TOX: variants seen among roughly 807,000 people sequenced by gnomAD.
TOX encodes thymocyte selection associated high mobility group box.
In TOX, 11 loss-of-function variants were observed where a neutral mutation model predicts 53.7. The ratio of observed to expected loss-of-function variants is 0.20; its 90% CI spans 0.13 to 0.34. The LOEUF is 0.34. Among genes scored for constraint, TOX ranks in the 10% least tolerant of loss-of-function variants. The pLI, the probability that TOX is intolerant of heterozygous loss-of-function variation, is 1.00. For synonymous variants in TOX, 225 were observed against 245.3 expected (o/e 0.92, Z 0.77); for missense variants, 570 against 664.6 (o/e 0.86, Z 1.56).
At chr8:59,012,114 G>T (rs1410203094) in intron 1 of TOX, among the ~76,000 whole-genome samples, 1 of 152,042 alleles carries the variant, frequency 6.6e-6, no homozygotes, top group Admixed American at 6.5e-5. Flanking sequence ...CCAGCCTTTT[G>T]TCTCTTTGAT....
At chr8:59,048,337 C>A (rs756678689) in intron 1 of TOX, among the ~76,000 whole-genome samples, 4 of 152,204 alleles carry the variant, frequency 2.6e-5, no homozygotes, top group Non-Finnish European at 5.9e-5. Context: ...CACTCTCTGT[C>A]TGAATCTTCA....
intron 3 of TOX, among the ~76,000 whole-genome samples, chr8:58,895,233 G>A (rs1262218712): frequency 6.6e-6 from 1 of 152,100 alleles, no homozygotes; most frequent in East Asian, 1.9e-4. Context: ...ATTGCTTGGA[G>A]TCTTACTAAA....
intron 3 of TOX, among the ~76,000 whole-genome samples, chr8:58,897,384 G>A (rs4738732): frequency 0.55 from 83,931 of 152,010 alleles, 23,667 homozygotes; most frequent in African/African-American, 0.66. Context: ...CAGAAAATCA[G>A]AAACCTGTGA....
intron 1 of TOX, among the ~76,000 whole-genome samples, chr8:59,071,675 C>T (rs1563437154): frequency 1.3e-5 from 2 of 152,092 alleles, no homozygotes; most frequent in African/African-American, 4.8e-5. Context: ...GAAAGGAAGC[C>T]TAAACAATTT....
intron 1 of TOX, among the ~76,000 whole-genome samples, chr8:59,047,203 G>GTTTTTTTTTT: frequency 2.2e-5 from 1 of 44,674 alleles, no homozygotes. Context: ...ACCAAGAATT[G>GTTTTTTTTTT]TTTTTTTTTT....
chr8:58,807,500 C>T lies in TOX; in HGVS notation c.*247G>A. The T allele has an allele frequency of 2.3e-6, 1 of 441,062 alleles. No individual in the cohort carries two copies. The highest frequency in any genetic ancestry group is 4.1e-6 in the Non-Finnish European group (1 of 245,620). 27.3% of individuals were successfully genotyped at this position (441,062 alleles called of 1,614,324 possible). ...GCAGCACTTCACAGCAAAAAACCAA[C>T]ATAAAATCTGAATGGTCCAAATTTC... On this transcript the variant is annotated 3_prime_UTR_variant, in exon 9 of 9. Transcript: ENST00000361421.
At chr8:59,010,392 T>G (rs957334174) in intron 1 of TOX, among the ~76,000 whole-genome samples, 5 of 152,316 alleles carry the variant, frequency 3.3e-5, no homozygotes, top group Admixed American at 3.3e-4. Context: ...AGCTGAAGTA[T>G]TTATGTGTGA....
At chr8:58,853,278 G>GT (rs1200261201) in intron 3 of TOX, among the ~76,000 whole-genome samples, 1 of 152,108 alleles carries the variant, frequency 6.6e-6, no homozygotes, top group Admixed American at 6.6e-5. Context: ...CCGAATCAAC[G>GT]TTTTTTCCAT....
chr8:58,896,113 G>A (rs1811640144), intron 3 of TOX, among the ~76,000 whole-genome samples: 1 of 152,036 alleles, frequency 6.6e-6, no homozygotes, highest in South Asian at 2.1e-4. Flanking sequence ...TCACCAAATT[G>A]CATTGCTTCC....
rs545415581 is a variant in TOX, at chr8:59,031,228, T to A, written c.103-71220A>T. ...TAATAACTCACACTTAAAGTTCTGA[T>A]ATTTCATTAGTCTCAACTAATGGCA... On this transcript the variant is annotated intron_variant, in intron 1 of 8. Coordinates refer to ENST00000361421, the MANE Select transcript of TOX (RefSeq NM_014729.3). Among the ~76,000 whole-genome samples, 8 of 152,308 alleles carry A rather than the reference T, an allele frequency of 5.3e-5. No individual in the cohort carries two copies. In the South Asian group the frequency reaches 1.7e-3, roughly 32 times the overall value.
intron 3 of TOX, among the ~76,000 whole-genome samples, chr8:58,933,848 C>T (rs896919696): frequency 6.6e-6 from 1 of 152,202 alleles, no homozygotes; most frequent in East Asian, 1.9e-4. Context: ...CTAACTCCTG[C>T]ACCCCACCCC....
At chr8:59,037,801 CA>C (rs769397049) in intron 1 of TOX, among the ~76,000 whole-genome samples, 5,768 of 97,950 alleles carry the variant, frequency 0.059, 161 homozygotes, top group African/African-American at 0.1. Context: ...GACTCCATCT[CA>C]AAAAAAAAAA....
intron 3 of TOX, among the ~76,000 whole-genome samples, chr8:58,881,429 G>A (rs1811380397): frequency 6.6e-6 from 1 of 152,022 alleles, no homozygotes; most frequent in Admixed American, 6.6e-5. Flanking sequence ...GAACCATTAA[G>A]ACGTAGAGAG....
chr8:58,820,196 T>TA (rs1810249879), intron 6 of TOX, among the ~76,000 whole-genome samples: 2 of 152,042 alleles, frequency 1.3e-5, no homozygotes, highest in African/African-American at 4.8e-5. Flanking sequence ...TTAATTGAAC[T>TA]AAGCATTGTG....
At chr8:58,882,834 A>G (rs1051086503) in intron 3 of TOX, among the ~76,000 whole-genome samples, 1 of 152,196 alleles carries the variant, frequency 6.6e-6, no homozygotes, top group African/African-American at 2.4e-5. Context: ...GGATGATGTC[A>G]CTATCAACTC....
chr8:58,806,401 G>C lies in TOX; in HGVS notation c.*1346C>G, dbSNP rs185338879. On this transcript the variant is annotated 3_prime_UTR_variant, in exon 9 of 9. Transcript: ENST00000361421. Reference sequence around the variant, plus strand: ...AAAAGCATGCAGCTTGAGGAAGTTTGGTTTGACTTTTACTTTTTTGCGGGG... The same window carrying C: ...AAAAGCATGCAGCTTGAGGAAGTTTCGTTTGACTTTTACTTTTTTGCGGGG... 3 of 151,990 alleles carry C rather than the reference G, an allele frequency of 2.0e-5. No individual in the cohort carries two copies. In the East Asian group the frequency reaches 5.8e-4, roughly 30 times the overall value. The allele number at this position is 151,990 out of a possible 1,614,324, so 9.4% of individuals were successfully genotyped here.
chr8:59,048,560 C>T (rs1000224673), intron 1 of TOX, among the ~76,000 whole-genome samples: 5 of 152,138 alleles, frequency 3.3e-5, no homozygotes, highest in African/African-American at 9.7e-5. Flanking sequence ...AAGAAGGCAA[C>T]AGAGGAAGTT....
At chr8:58,877,709 C>T (rs1265519760) in intron 3 of TOX, among the ~76,000 whole-genome samples, 2 of 152,148 alleles carry the variant, frequency 1.3e-5, no homozygotes, top group Admixed American at 6.5e-5. Flanking sequence ...TCTCTTCAGG[C>T]AGAAAGAAAA....
chr8:58,971,153 A>G (rs1235219874), intron 1 of TOX, among the ~76,000 whole-genome samples: 1 of 152,216 alleles, frequency 6.6e-6, no homozygotes, highest in African/African-American at 2.4e-5. Flanking sequence ...GCTGCTCCAG[A>G]TCACACTGGT....
Sources: allele counts gnomAD v4.1 joint callset (sites outside exome capture counted in the v4.1 genomes callset), GRCh38; gene constraint gnomAD v4.1.1; transcripts MANE v1.5; gene names NCBI Gene and HGNC (gene_info 2026-07-23, HGNC 2026-07-21).